MYL3: variants seen among roughly 807,000 people sequenced by gnomAD.
MYL3 encodes CMLC1.
MYL3 carries 11 observed loss-of-function variants against 21.3 expected under a neutral mutation model. The ratio of observed to expected loss-of-function variants is 0.52; its 90% CI spans 0.32 to 0.85. The LOEUF is 0.85. Ranked by LOEUF, MYL3 falls within the 40% of genes least tolerant of loss-of-function variation. The pLI, the probability that MYL3 is intolerant of heterozygous loss-of-function variation, is 0.03. For missense variants in MYL3, 206 were observed against 253.3 expected (o/e 0.81, Z 1.27); for synonymous variants, 88 against 91.6 (o/e 0.96, Z 0.22).
At chr3:46,868,053 C>T (rs1702065204), upstream of MYL3, among the ~76,000 whole-genome samples, 3 of 152,194 alleles carry the variant, frequency 2.0e-5, no homozygotes, top group Admixed American at 2.0e-4. Flanking sequence ...AGATAAATTT[C>T]TACACCATCC....
Position 46,879,611 on chromosome 3 carries a change from G to C in MYL3, c.-218+2463C>G, listed in dbSNP as rs529018096. ...AAAATTTTTTAATTACCCAGGTGTG[G>C]TAGCTCATGCCTGTGGTGCCAGCTA... On this transcript the variant is annotated intron_variant, in intron 1 of 3. Transcript: ENST00000431168. This position sits in a 1 kb window ranked among gnomAD's most constrained non-coding sequence, Gnocchi z 4.7. Among the ~76,000 whole-genome samples the C allele has an allele frequency of 1.3e-5, 2 of 152,302 alleles. No homozygotes were observed. Among genetic ancestry groups the C allele is most frequent in the East Asian group, 3.9e-4 (2 of 5,182 alleles).
At chr3:46,870,223 C>T (rs564620038) in intron 1 of MYL3, among the ~76,000 whole-genome samples, 7 of 152,222 alleles carry the variant, frequency 4.6e-5, no homozygotes, top group Admixed American at 1.3e-4. Flanking sequence ...ATTCCCACCT[C>T]TCACCCATCC....
chr3:46,867,557 T>C (rs966730162), upstream of MYL3, among the ~76,000 whole-genome samples: 1 of 152,168 alleles, frequency 6.6e-6, no homozygotes, highest in African/African-American at 2.4e-5. Flanking sequence ...GGGCCAGCTG[T>C]CCCCTGGGCC....
intron 1 of MYL3, among the ~76,000 whole-genome samples, chr3:46,878,053 G>A (rs1000029695): frequency 6.6e-6 from 1 of 152,218 alleles, no homozygotes; most frequent in African/African-American, 2.4e-5. Flanking sequence ...CATACCTCTA[G>A]CTCCTTGGGA....
Position 46,858,228 on chromosome 3 carries a change from T to C in MYL3, c.*13+3A>G. On this transcript the variant is annotated splice_donor_region_variant and intron_variant, in intron 6 of 6. Transcript: ENST00000292327. ...GCGGGTTCAGGAGGGAGTGGGTGCC[T>C]ACCTGGGCACGAGGTTTAGCTGGAC... 2 of 1,614,092 alleles carry C rather than the reference T, an allele frequency of 1.2e-6. No individual in the cohort carries two copies. The highest frequency in any genetic ancestry group is 1.7e-6 in the Non-Finnish European group (2 of 1,179,992).
In MYL3 at chr3:46,859,789, A is replaced by G; in HGVS notation, c.308-141T>C. The G allele has an allele frequency of 9.8e-7, 1 of 1,024,518 alleles. No individual in the cohort carries two copies. The highest frequency in any genetic ancestry group is 1.5e-6 in the Non-Finnish European group (1 of 662,570). The allele number at this position is 1,024,518 out of a possible 1,614,324, so 63.5% of individuals were successfully genotyped here. On this transcript the variant is annotated intron_variant, in intron 3 of 6. Coordinates refer to ENST00000292327, the MANE Select transcript of MYL3 (RefSeq NM_000258.3). This position sits in a 1 kb window ranked among gnomAD's most constrained non-coding sequence, Gnocchi z 4.1. The stretch of plus-strand genomic sequence containing the variant: ...ACCAGTTCTCACAGCAGTCTACACC[A>G]GTTTGCCATTTAAAAGCAAACTACC...
rs764356863 is a variant in MYL3 at position 46,860,637 on chromosome 3, G to A, written c.307+39C>T. ...GGCAGCCCACCCAGCCAGTCTCCCC[G>A]GTACTAACACTATGGGGGCTCTCGG... is the stretch of plus-strand genomic sequence containing the variant. On this transcript the variant is annotated intron_variant, in intron 3 of 6. Coordinates refer to ENST00000292327, the MANE Select transcript of MYL3 (RefSeq NM_000258.3). This position sits in a 1 kb window ranked among gnomAD's most constrained non-coding sequence, Gnocchi z 4.6. 6.8e-5 allele frequency: 109 copies of A among 1,608,990 alleles called. No individual in the cohort carries two copies. Among genetic ancestry groups the A allele is most frequent in the Admixed American group, 1.0e-4 (6 of 59,972 alleles).
chr3:46,862,489 G>A (rs917413379), intron 1 of MYL3, among the ~76,000 whole-genome samples: 2 of 152,184 alleles, frequency 1.3e-5, no homozygotes, highest in Non-Finnish European at 2.9e-5. Flanking sequence ...ATGCAGGGAT[G>A]GCGAGGGTTC....
intron 1 of MYL3, among the ~76,000 whole-genome samples, chr3:46,881,331 C>A (rs1408564997): frequency 6.6e-6 from 1 of 152,176 alleles, no homozygotes; most frequent in East Asian, 1.9e-4. Flanking sequence ...CAGCCAAACA[C>A]AGAAATCCCG....
At position 46,860,130 on chromosome 3, in the gene MYL3, T is replaced by C. The variant is rs1701975451; in HGVS notation, c.308-482A>G. On this transcript the variant is annotated intron_variant, in intron 3 of 6. Coordinates refer to ENST00000292327, the MANE Select transcript of MYL3 (RefSeq NM_000258.3). The surrounding 1 kb of genome is among the most constrained non-coding windows in gnomAD (Gnocchi z 4.6). ...ATTCATTTATGTATTTATTCATTCA[T>C]TTATTTATTTTTAGACACGAGGTCT... is the stretch of plus-strand genomic sequence containing the variant. 6.6e-6 allele frequency among the ~76,000 whole-genome samples: 1 copy of C among 152,010 alleles called. No individual in the cohort carries two copies. Among genetic ancestry groups the C allele is most frequent in the South Asian group, 2.1e-4 (1 of 4,816 alleles).
intron 1 of MYL3, chr3:46,881,227 C>A (rs1251344877): frequency 2.0e-5 from 3 of 152,354 alleles, no homozygotes; most frequent in Non-Finnish European, 2.9e-5. Flanking sequence ...CATCCCCAGC[C>A]CCTCCCTCTG....
In MYL3 at chr3:46,860,839, G is replaced by A. The variant is rs1427057356; in HGVS notation, c.158-14C>T. On this transcript the variant is annotated splice_polypyrimidine_tract_variant and intron_variant, in intron 2 of 6. Coordinates refer to ENST00000292327, the MANE Select transcript of MYL3 (RefSeq NM_000258.3). The surrounding 1 kb of genome is among the most constrained non-coding windows in gnomAD (Gnocchi z 4.6). The stretch of plus-strand genomic sequence containing the variant: ...CTTCCTTGAACTCTGCCAGGAGAGG[G>A]CAGTGAGCCACAGACACTCCCAGGG... The A allele has an allele frequency of 1.2e-6, 2 of 1,613,892 alleles. No homozygotes were observed. The highest frequency in any genetic ancestry group is 1.1e-5 in the South Asian group (1 of 91,082).
chr3:46,858,212 G>A lies in MYL3; in HGVS notation c.*13+19C>T. The A allele has an allele frequency of 6.2e-7, 1 of 1,614,042 alleles. No homozygotes were observed. Among genetic ancestry groups the A allele is most frequent in the Non-Finnish European group, 8.5e-7 (1 of 1,179,926 alleles). Reference sequence around the variant, plus strand: ...TGGGCAGGTGGCAGCAGCGGGTTCAGGAGGGAGTGGGTGCCTACCTGGGCA... The same window carrying A: ...TGGGCAGGTGGCAGCAGCGGGTTCAAGAGGGAGTGGGTGCCTACCTGGGCA... On this transcript the variant is annotated intron_variant, in intron 6 of 6. Coordinates refer to ENST00000292327, the MANE Select transcript of MYL3 (RefSeq NM_000258.3).
At chr3:46,873,356 G>A (rs1426047782) in intron 1 of MYL3, among the ~76,000 whole-genome samples, 1 of 152,244 alleles carries the variant, frequency 6.6e-6, no homozygotes, top group East Asian at 1.9e-4. Flanking sequence ...TTGAGTCTCT[G>A]CATCTCCCAG....
intron 1 of MYL3, among the ~76,000 whole-genome samples, chr3:46,862,117 C>T (rs913826764): frequency 2.0e-5 from 3 of 152,282 alleles, no homozygotes; most frequent in Non-Finnish European, 4.4e-5. Context: ...GTCTCATTGT[C>T]CCCACCTCTC....
At chr3:46,871,869 G>T (rs908498326) in intron 1 of MYL3, among the ~76,000 whole-genome samples, 11 of 152,312 alleles carry the variant, frequency 7.2e-5, no homozygotes, top group African/African-American at 2.6e-4. Flanking sequence ...AAACTGTTCT[G>T]GGAGGACAGT....
rs893957593 is a variant in MYL3, at chr3:46,879,968, G to A, written c.-218+2106C>T. The stretch of plus-strand genomic sequence containing the variant: ...GCCAGAGAATTGCTTGAACCCGGGA[G>A]GTGGAGGTTGCAGTCAGCCGAGATC... On this transcript the variant is annotated intron_variant, in intron 1 of 3. Coordinates refer to the MYL3 transcript ENST00000431168. The surrounding 1 kb of genome is among the most constrained non-coding windows in gnomAD (Gnocchi z 4.7). Among the ~76,000 whole-genome samples, 8 of 152,132 alleles carry A rather than the reference G, an allele frequency of 5.3e-5. No individual in the cohort carries two copies. The highest frequency in any genetic ancestry group is 1.7e-4 in the African/African-American group (7 of 41,410).
chr3:46,858,804 G>T (rs948234658), intron 4 of MYL3, among the ~76,000 whole-genome samples: 8 of 152,170 alleles, frequency 5.3e-5, no homozygotes, highest in African/African-American at 1.4e-4. Flanking sequence ...TTGGGAGAGG[G>T]TGGTGGAGGG....
chr3:46,864,732 C>A (rs1246868847), upstream of MYL3, among the ~76,000 whole-genome samples: 1 of 152,174 alleles, frequency 6.6e-6, no homozygotes, highest in Non-Finnish European at 1.5e-5. This position sits in a 1 kb window ranked among gnomAD's most constrained non-coding sequence, Gnocchi z 4.7. Context: ...CTGTTCCTAC[C>A]ACTCAGTGCC....
Sources: allele counts gnomAD v4.1 joint callset (sites outside exome capture counted in the v4.1 genomes callset), GRCh38; gene constraint gnomAD v4.1.1; non-coding constraint Gnocchi (gnomAD v3.1); transcripts MANE v1.5; gene names NCBI Gene and HGNC (gene_info 2026-07-23, HGNC 2026-07-21).